PAQR8: variants seen among roughly 807,000 people sequenced by gnomAD.
PAQR8 encodes the protein progestin and adipoQ receptor family member 8.
A neutral mutation model predicts 25.2 loss-of-function variants in PAQR8; 17 were observed. The ratio of observed to expected loss-of-function variants is 0.67; its 90% CI spans 0.46 to 1.01. The LOEUF (loss-of-function observed/expected upper bound fraction) is 1.01, where lower values mean the gene tolerates loss of function less well. Ranked by LOEUF, PAQR8 falls within the 50% of genes least tolerant of loss-of-function variation. The pLI is 0.00. For missense variants in PAQR8, 392 were observed against 448.4 expected (o/e 0.87, Z 1.14); for synonymous variants, 204 against 190.6 (o/e 1.07, Z -0.58).
In PAQR8 at chr6:52,403,193, G is replaced by A. The variant is rs1345619566; in HGVS notation, c.-21G>A. 6.3e-7 allele frequency: 1 copy of A among 1,581,128 alleles called. No individual in the cohort carries two copies. Among genetic ancestry groups the A allele is most frequent in the African/African-American group, 1.3e-5 (1 of 74,316 alleles). ...TACCCTGTCCTGAGGGCGCGGCACG[G>A]AGTGCATGCGGGCCGCTGCCATGAC... On this transcript the variant is annotated 5_prime_UTR_variant, in exon 2 of 2. Transcript: ENST00000442253.
At chr6:52,397,993 G>C (rs548250393) in intron 1 of PAQR8, among the ~76,000 whole-genome samples, 1 of 152,194 alleles carries the variant, frequency 6.6e-6, no homozygotes, top group South Asian at 2.1e-4. Flanking sequence ...TAAGAGGGAG[G>C]GGGGCAGACC....
Position 52,403,175 on chromosome 6 carries a change from T to C in PAQR8, c.-39T>C, listed in dbSNP as rs755699637. On this transcript the variant is annotated 5_prime_UTR_variant, in exon 2 of 2. Coordinates refer to ENST00000442253, the MANE Select transcript of PAQR8 (RefSeq NM_133367.5). ...TCTTTTCTGCAGGTTGCATACCCTG[T>C]CCTGAGGGCGCGGCACGGAGTGCAT... 2.6e-6 allele frequency: 4 copies of C among 1,555,658 alleles called. No homozygotes were observed. Among genetic ancestry groups the C allele is most frequent in the Non-Finnish European group, 3.5e-6 (4 of 1,146,214 alleles).
Position 52,364,548 on chromosome 6 carries a change from T to C in PAQR8, c.-53+2299T>C, listed in dbSNP as rs576303511. Among the ~76,000 whole-genome samples, 9 of 152,342 alleles carry C rather than the reference T, an allele frequency of 5.9e-5. No homozygotes were observed. In the South Asian group the frequency reaches 1.9e-3, roughly 32 times the overall value. On this transcript the variant is annotated intron_variant, in intron 1 of 1. Transcript: ENST00000442253. ...CTCTTGGCAAGCTGTGTACTAATTC[T>C]AGTGATGCTGTCACTACTGAGAATA...
Position 52,403,776 on chromosome 6 carries a change from G to C in PAQR8, c.563G>C (p.Trp188Ser). The C allele has an allele frequency of 1.2e-6, 2 of 1,614,236 alleles. No homozygotes were observed. Among genetic ancestry groups the C allele is most frequent in the South Asian group, 2.2e-5 (2 of 91,088 alleles). The change falls in exon 2 of 2, where the codon TGG becomes TCG. Residue 188 changes from tryptophan (W) to serine (S), a missense_variant. Transcript: ENST00000442253. ...TTGCCAGCAGCTGCCTTCTGTGGCT[G>C]GTTATCTTGTGCTGGCTGTTGCTAT... ...FFLPAAAFCG[W>S]LSCAGCCYAK...
At chr6:52,395,183 G>T (rs1215147429) in intron 1 of PAQR8, among the ~76,000 whole-genome samples, 1 of 147,618 alleles carries the variant, frequency 6.8e-6, no homozygotes, top group Non-Finnish European at 1.5e-5. Flanking sequence ...TGAGACAGGA[G>T]AATTGCTTGA....
At chr6:52,384,642 T>C (rs1763608560) in intron 1 of PAQR8, among the ~76,000 whole-genome samples, 1 of 152,046 alleles carries the variant, frequency 6.6e-6, no homozygotes, top group African/African-American at 2.4e-5. Flanking sequence ...CTAAAATAAT[T>C]CTAAGTTAGA....
chr6:52,402,815 C>T (rs1050666667), intron 1 of PAQR8, among the ~76,000 whole-genome samples: 1 of 152,090 alleles, frequency 6.6e-6, no homozygotes. Flanking sequence ...GTGGCTCACG[C>T]CTGTAATCTC....
In PAQR8 at chr6:52,406,296, G is replaced by A. The variant is rs1296420079; in HGVS notation, c.*2018G>A. 1 of 407,942 alleles carries A rather than the reference G, an allele frequency of 2.5e-6. No homozygotes were observed. Among genetic ancestry groups the A allele is most frequent in the African/African-American group, 2.1e-5 (1 of 48,524 alleles). 25.3% of individuals were successfully genotyped at this position (407,942 alleles called of 1,614,324 possible). A position where few individuals can be genotyped will look rare whatever the true frequency, so the allele number is the denominator to read the frequency against. ...TTTTGAAAGTTGGAAGGAGAAGGGAGGGAAGAGAGCAGAAGGGAAGAAGGT... is the reference window on the plus strand; with the variant it reads ...TTTTGAAAGTTGGAAGGAGAAGGGAAGGAAGAGAGCAGAAGGGAAGAAGGT... On this transcript the variant is annotated 3_prime_UTR_variant, in exon 2 of 2. Transcript: ENST00000442253.
chr6:52,379,769 G>A (rs1763532973), intron 1 of PAQR8, among the ~76,000 whole-genome samples: 1 of 152,092 alleles, frequency 6.6e-6, no homozygotes, highest in Admixed American at 6.5e-5. Context: ...TGGGACTATA[G>A]GCGCCTGCTA....
chr6:52,397,893 T>G (rs1763784847), intron 1 of PAQR8, among the ~76,000 whole-genome samples: 1 of 152,108 alleles, frequency 6.6e-6, no homozygotes, highest in South Asian at 2.1e-4. Flanking sequence ...GATGACAATA[T>G]GTGGTTTCCT....
At position 52,407,312 on chromosome 6, in the gene PAQR8, T is replaced by C. The variant is rs1763922804; in HGVS notation, c.*3034T>C. On this transcript the variant is annotated 3_prime_UTR_variant, in exon 2 of 2. Transcript: ENST00000442253. ...CAGGACACATTTGCCTGCTTCTCTCTTGCCTAATTCTTCCTGACCTGTATT... is the reference window on the plus strand; with the variant it reads ...CAGGACACATTTGCCTGCTTCTCTCCTGCCTAATTCTTCCTGACCTGTATT... 1 of 167,034 alleles carries C rather than the reference T, an allele frequency of 6.0e-6. No homozygotes were observed. Among genetic ancestry groups the C allele is most frequent in the Non-Finnish European group, 1.5e-5 (1 of 68,100 alleles). The allele number at this position is 167,034 out of a possible 1,614,324, so 10.3% of individuals were successfully genotyped here. A position where few individuals can be genotyped will look rare whatever the true frequency, so the allele number is the denominator to read the frequency against.
Position 52,382,566 on chromosome 6 carries a change from A to G in PAQR8, c.-53+20317A>G, listed in dbSNP as rs977227212. On this transcript the variant is annotated intron_variant, in intron 1 of 1. Coordinates refer to ENST00000442253, the MANE Select transcript of PAQR8 (RefSeq NM_133367.5). Reference sequence around the variant, plus strand: ...GTGGAAAAACACAAACGTAGATTAAATGAAAGAAGAATGTTAGGTACAAAA... The same window carrying G: ...GTGGAAAAACACAAACGTAGATTAAGTGAAAGAAGAATGTTAGGTACAAAA... Among the ~76,000 whole-genome samples, 15 of 152,130 alleles carry G rather than the reference A, an allele frequency of 9.9e-5. No homozygotes were observed. In the East Asian group the frequency reaches 1.4e-3, roughly 14 times the overall value.
chr6:52,363,906 G>A (rs1023918480), intron 1 of PAQR8, among the ~76,000 whole-genome samples: 2 of 140,508 alleles, frequency 1.4e-5, no homozygotes, highest in African/African-American at 2.6e-5. Flanking sequence ...TATTTCTGCT[G>A]TTTGTCCTTG....
chr6:52,367,364 G>A (rs1326657665), intron 1 of PAQR8, among the ~76,000 whole-genome samples: 1 of 152,200 alleles, frequency 6.6e-6, no homozygotes, highest in Non-Finnish European at 1.5e-5. Context: ...CACCCTGGGT[G>A]TGTTACTTAA....
intron 1 of PAQR8, among the ~76,000 whole-genome samples, chr6:52,366,856 T>C (rs1763359421): frequency 6.6e-6 from 1 of 152,060 alleles, no homozygotes; most frequent in Admixed American, 6.6e-5. Flanking sequence ...TTCAAGCAAT[T>C]ATCCTGCCTC....
At chr6:52,391,295 A>G (rs1195118623) in intron 1 of PAQR8, among the ~76,000 whole-genome samples, 1 of 152,240 alleles carries the variant, frequency 6.6e-6, no homozygotes, top group Non-Finnish European at 1.5e-5. Context: ...TATCATGTGT[A>G]TCTTTGTATA....
At chr6:52,391,388 T>TGTCG (rs1763707852) in intron 1 of PAQR8, among the ~76,000 whole-genome samples, 1 of 152,238 alleles carries the variant, frequency 6.6e-6, no homozygotes, top group South Asian at 2.1e-4. Flanking sequence ...CACAATCAAA[T>TGTCG]ACTCCATTTT....
chr6:52,401,090 A>C (rs1406960736), intron 1 of PAQR8, among the ~76,000 whole-genome samples: 1 of 152,232 alleles, frequency 6.6e-6, no homozygotes, highest in Non-Finnish European at 1.5e-5. Context: ...CACCCCAGTA[A>C]GTGGCAAAAC....
intron 1 of PAQR8, among the ~76,000 whole-genome samples, chr6:52,387,998 T>A (rs1351005201): frequency 6.6e-6 from 1 of 152,246 alleles, no homozygotes; most frequent in Non-Finnish European, 1.5e-5. Context: ...ACCGTCTAGT[T>A]GCAGTAAAAC....
Sources: allele counts gnomAD v4.1 joint callset (sites outside exome capture counted in the v4.1 genomes callset), GRCh38; gene constraint gnomAD v4.1.1; transcripts MANE v1.5; gene names NCBI Gene and HGNC (gene_info 2026-07-23, HGNC 2026-07-21).